The following PRKN variants were observed in gnomAD, a reference collection of about 807,000 sequenced individuals.
PRKN encodes the protein parkin RBR E3 ubiquitin protein ligase.
PRKN carries 56 observed loss-of-function variants against 59.5 expected under a neutral mutation model. The ratio of observed to expected loss-of-function variants is 0.94; its 90% CI spans 0.76 to 1.18. The LOEUF (loss-of-function observed/expected upper bound fraction) is 1.18. PRKN is among the 50% of genes most tolerant of loss of function. PRKN has a pLI of 0.00. For missense variants in PRKN, 657 were observed against 596.4 expected (o/e 1.10, Z -1.06); for synonymous variants, 250 against 222.1 (o/e 1.13, Z -1.12).
chr6:161,350,177 C>A lies in PRKN; in HGVS notation c.1320G>T (p.Gln440His). 1 of 1,613,710 alleles carries A rather than the reference C, an allele frequency of 6.2e-7. No individual in the cohort carries two copies. Among genetic ancestry groups the A allele is most frequent in the Non-Finnish European group, 8.5e-7 (1 of 1,179,946 alleles). The part of the protein sequence containing the change: ...GCMHMKCPQP[Q>H]CRLEWCWNCG... ...AGTTCCAGCACCACTCGAGCCTGCA[C>A]TGGGGCTGCGGACACTTCATGTGCA... The change falls in exon 12 of 12, where the codon CAG becomes CAT. Residue 440 changes from glutamine to histidine, a missense_variant. Gln to His is a conservative substitution (Grantham distance 24, BLOSUM62 0). Transcript: ENST00000366898.
In PRKN at chr6:162,199,926, G is replaced by A. The variant is rs188272248; in HGVS notation, c.534+1205C>T. Reference sequence around the variant, plus strand: ...CCCTGGCCCACAGCTCCTCATCTGCGAACCAGATGAAATGCGCCTTAATTA... The same window carrying A: ...CCCTGGCCCACAGCTCCTCATCTGCAAACCAGATGAAATGCGCCTTAATTA... On this transcript the variant is annotated intron_variant, in intron 4 of 11. Coordinates refer to ENST00000366898, the MANE Select transcript of PRKN (RefSeq NM_004562.3). Among the ~76,000 whole-genome samples, 22 of 152,076 alleles carry A rather than the reference G, an allele frequency of 1.4e-4. 2 individuals are homozygous for A. Among genetic ancestry groups the A allele is most frequent in the Admixed American group, 1.3e-3 (20 of 15,276 alleles).
At chr6:162,054,934 G>A (rs1777796511) in intron 4 of PRKN, among the ~76,000 whole-genome samples, 1 of 152,140 alleles carries the variant, frequency 6.6e-6, no homozygotes, top group South Asian at 2.1e-4. Flanking sequence ...GGTTGAAGGG[G>A]GCGGATCACC....
chr6:162,085,975 C>G (rs1348176422), intron 4 of PRKN, among the ~76,000 whole-genome samples: 2 of 152,178 alleles, frequency 1.3e-5, no homozygotes, highest in East Asian at 3.8e-4. Flanking sequence ...TCTACTCTAT[C>G]CATCCTATTA....
intron 2 of PRKN, among the ~76,000 whole-genome samples, chr6:162,440,309 C>A (rs918334884): frequency 1.3e-5 from 2 of 152,096 alleles, no homozygotes; most frequent in Non-Finnish European, 2.9e-5. Flanking sequence ...TATAATCTTA[C>A]AAATACCCTT....
Position 161,429,677 on chromosome 6 carries a change from A to G in PRKN, c.1084-42800T>C, listed in dbSNP as rs1050220051. ...TAGATCAATGAAGAAAGAGGAATCC[A>G]GAAGTTCCAGTCCGAGGGTGTGTGG... On this transcript the variant is annotated intron_variant, in intron 9 of 11. Transcript: ENST00000366898. The surrounding 1 kb of genome is among the most constrained non-coding windows in gnomAD (Gnocchi z 4.2). Among the ~76,000 whole-genome samples, 25 of 152,190 alleles carry G rather than the reference A, an allele frequency of 1.6e-4. No homozygotes were observed. The highest frequency in any genetic ancestry group is 6.0e-4 in the African/African-American group (25 of 41,448).
chr6:162,534,431 G>A lies in PRKN; in HGVS notation c.8-90958C>T, dbSNP rs143244464. ...TCGAAAGCATGCTGTGCCTCTTTAC[G>A]GTAGTTCTTTTACAACTTGGCACGG... On this transcript the variant is annotated intron_variant, in intron 1 of 11. Coordinates refer to ENST00000366898, the MANE Select transcript of PRKN (RefSeq NM_004562.3). 2.0e-4 allele frequency among the ~76,000 whole-genome samples: 30 copies of A among 152,016 alleles called. No individual in the cohort carries two copies. In the East Asian group the frequency reaches 2.9e-3, roughly 15 times the overall value.
chr6:162,305,161 A>G (rs908305412), intron 2 of PRKN, among the ~76,000 whole-genome samples: 2 of 152,172 alleles, frequency 1.3e-5, no homozygotes, highest in African/African-American at 2.4e-5. Flanking sequence ...TTAGAAGGAA[A>G]ACACTACATC....
At chr6:161,882,382 G>A (rs1048015094) in intron 6 of PRKN, among the ~76,000 whole-genome samples, 1 of 152,154 alleles carries the variant, frequency 6.6e-6, no homozygotes, top group Non-Finnish European at 1.5e-5. Flanking sequence ...AGGTGGTGCG[G>A]CCCTCCAGGG....
chr6:161,469,278 T>G (rs1046832405), intron 9 of PRKN, among the ~76,000 whole-genome samples: 3 of 152,128 alleles, frequency 2.0e-5, no homozygotes, highest in Admixed American at 2.0e-4. Flanking sequence ...GGCTTCCCCC[T>G]TCACTGGGCA....
At chr6:162,678,763 T>A (rs2849532) in intron 1 of PRKN, among the ~76,000 whole-genome samples, 126,396 of 152,110 alleles carry the variant, frequency 0.83, 52,843 homozygotes, top group East Asian at 0.98. Context: ...CATTCTTTTA[T>A]CAATGTGGTT....
At chr6:162,161,648 T>C (rs1644677882) in intron 4 of PRKN, among the ~76,000 whole-genome samples, 1 of 152,094 alleles carries the variant, frequency 6.6e-6, no homozygotes, top group African/African-American at 2.4e-5. Flanking sequence ...CATTGAAACT[T>C]GAACATGCTC....
At chr6:161,783,703 C>T (rs767654251) in intron 7 of PRKN, 5 of 505,568 alleles carry the variant, frequency 9.9e-6, no homozygotes, top group South Asian at 4.4e-5. Flanking sequence ...AAAATTGTCA[C>T]ATTAAAAGCA....
intron 4 of PRKN, among the ~76,000 whole-genome samples, chr6:162,114,127 A>G (rs1207055167): frequency 1.3e-5 from 2 of 151,510 alleles, no homozygotes; most frequent in Non-Finnish European, 2.9e-5. Context: ...GCCTTGTAGT[A>G]TAGTTTGAAG....
chr6:161,835,992 ACT>A (rs1198725338), intron 6 of PRKN, among the ~76,000 whole-genome samples: 3 of 151,900 alleles, frequency 2.0e-5, no homozygotes, highest in African/African-American at 7.3e-5. Context: ...CCAGCAAATG[ACT>A]CTCAGTATAT....
intron 2 of PRKN, among the ~76,000 whole-genome samples, chr6:162,360,573 G>T (rs1241837733): frequency 6.6e-6 from 1 of 151,860 alleles, no homozygotes; most frequent in Admixed American, 6.6e-5. Flanking sequence ...CATAAAATAA[G>T]TCATTTGTTC....
intron 4 of PRKN, among the ~76,000 whole-genome samples, chr6:162,113,020 T>G (rs1283933894): frequency 6.6e-6 from 1 of 152,158 alleles, no homozygotes; most frequent in Admixed American, 6.5e-5. Flanking sequence ...ATACTTTCAT[T>G]TTCATGAAAA....
chr6:161,760,616 CT>C (rs1789156693), intron 7 of PRKN, among the ~76,000 whole-genome samples: 1 of 152,036 alleles, frequency 6.6e-6, no homozygotes. Flanking sequence ...CCTTTTCTTC[CT>C]TTTCACCTAA....
chr6:161,608,792 G>A (rs1440453800), intron 7 of PRKN, among the ~76,000 whole-genome samples: 3 of 151,720 alleles, frequency 2.0e-5, no homozygotes, highest in African/African-American at 2.4e-5. Flanking sequence ...CACCCGCCTC[G>A]GCCTCCCAAA....
intron 2 of PRKN, among the ~76,000 whole-genome samples, chr6:162,437,628 C>T (rs1183283085): frequency 2.0e-5 from 3 of 152,160 alleles, no homozygotes; most frequent in Non-Finnish European, 4.4e-5. Context: ...ATCTGCCCTC[C>T]ATTTCTATCA....
Sources: allele counts gnomAD v4.1 joint callset (sites outside exome capture counted in the v4.1 genomes callset), GRCh38; gene constraint gnomAD v4.1.1; non-coding constraint Gnocchi (gnomAD v3.1); transcripts MANE v1.5; gene names NCBI Gene and HGNC (gene_info 2026-07-23, HGNC 2026-07-21).